CCSAP: variants seen among roughly 807,000 people sequenced by gnomAD.
CCSAP encodes centriole, cilia and spindle-associated protein.
Under a neutral mutation model 25.9 loss-of-function variants are expected in CCSAP, and 17 were observed. That is an observed-to-expected ratio of 0.66 (90% CI 0.45 to 0.99). CCSAP has a LOEUF of 0.99. CCSAP is among the 50% of genes least tolerant of loss of function. CCSAP has a pLI of 0.00. For synonymous variants in CCSAP, 169 were observed against 157.1 expected (o/e 1.08, Z -0.57); for missense variants, 339 against 367.8 (o/e 0.92, Z 0.64).
At chr1:229,332,685 G>A (rs1238946473) in intron 2 of CCSAP, among the ~76,000 whole-genome samples, 1 of 152,110 alleles carries the variant, frequency 6.6e-6, no homozygotes, top group African/African-American at 2.4e-5. Flanking sequence ...CAATAGCCAT[G>A]AACCACACGT....
intron 3 of CCSAP, among the ~76,000 whole-genome samples, chr1:229,326,500 C>T (rs1391404748): frequency 1.3e-5 from 2 of 152,202 alleles, no homozygotes; most frequent in Non-Finnish European, 2.9e-5. Context: ...TGTCACTAAA[C>T]TCTTCTGGGT....
In CCSAP at chr1:229,338,336, G is replaced by T. The variant is rs914100017; in HGVS notation, c.367+3763C>A. 2.6e-5 allele frequency among the ~76,000 whole-genome samples: 4 copies of T among 152,178 alleles called. No homozygotes were observed. In the East Asian group the frequency reaches 7.7e-4, roughly 29 times the overall value. On this transcript the variant is annotated intron_variant, in intron 2 of 3. Coordinates refer to ENST00000284617, the MANE Select transcript of CCSAP (RefSeq NM_145257.5). ...GCAAGGGGCATGGGTGGGAAATGGG[G>T]CAGGATCATGTTTTTTTCATTTTAA...
chr1:229,338,732 GAA>G (rs1298556113), intron 2 of CCSAP, among the ~76,000 whole-genome samples: 51 of 152,200 alleles, frequency 3.4e-4, no homozygotes, highest in African/African-American at 1.2e-3. Flanking sequence ...AAGAAACACA[GAA>G]AGAGAAGAAA....
chr1:229,341,193 C>CAAAAAA lies in CCSAP; in HGVS notation c.367+900_367+905dup, dbSNP rs71561730. On this transcript the variant is annotated intron_variant, in intron 2 of 3. Transcript: ENST00000284617. ...TGGGCCACAGAGCGAGACTCCGTCT[C>CAAAAAA]AAAAAAAAAAAAAAAAAAAGATTAC... Among the ~76,000 whole-genome samples the CAAAAAA allele has an allele frequency of 2.1e-3, 188 of 91,088 alleles. 8 individuals are homozygous for CAAAAAA. Among genetic ancestry groups the CAAAAAA allele is most frequent in the African/African-American group, 2.7e-3 (57 of 20,788 alleles). 59.8% of individuals were successfully genotyped at this position (91,088 alleles called of 152,430 possible). A position where few individuals can be genotyped will look rare whatever the true frequency, so the allele number is the denominator to read the frequency against.
At chr1:229,340,885 C>T (rs1658314501) in intron 2 of CCSAP, among the ~76,000 whole-genome samples, 1 of 152,088 alleles carries the variant, frequency 6.6e-6, no homozygotes. Flanking sequence ...CCTGAGCTTC[C>T]GTTTTTTCAT....
chr1:229,340,705 C>T, intron 2 of CCSAP: 1 of 361,662 alleles, frequency 2.8e-6, no homozygotes, highest in Non-Finnish European at 4.9e-6. Flanking sequence ...GCCCTGCCTC[C>T]GATGATGAGC....
intron 2 of CCSAP, 138 bp from the exon 3 acceptor site, chr1:229,327,144 G>A (rs926010328): frequency 3.0e-6 from 2 of 671,494 alleles, no homozygotes; most frequent in Non-Finnish European, 4.7e-6. Context: ...TCCACTTAAA[G>A]TAGAAATACA....
At chr1:229,329,987 A>G (rs536166663) in intron 2 of CCSAP, among the ~76,000 whole-genome samples, 5 of 152,114 alleles carry the variant, frequency 3.3e-5, no homozygotes, top group Non-Finnish European at 5.9e-5. Context: ...GCAAAACTCC[A>G]TCTCAAAAAA....
chr1:229,331,157 A>T (rs1658058807), intron 2 of CCSAP, among the ~76,000 whole-genome samples: 1 of 152,230 alleles, frequency 6.6e-6, no homozygotes, highest in Non-Finnish European at 1.5e-5. Context: ...GGAAACCCTT[A>T]GACCTCAAAT....
At chr1:229,341,649 A>T (rs946538504) in intron 2 of CCSAP, among the ~76,000 whole-genome samples, 6 of 152,206 alleles carry the variant, frequency 3.9e-5, no homozygotes, top group Admixed American at 3.3e-4. Context: ...TACGGAAAAC[A>T]ATGGCCCCAT....
intron 2 of CCSAP, among the ~76,000 whole-genome samples, chr1:229,329,189 T>C (rs894957729): frequency 4.6e-5 from 7 of 152,244 alleles, no homozygotes; most frequent in African/African-American, 1.7e-4. Context: ...CCAAGTCATC[T>C]TCACTGATTC....
intron 2 of CCSAP, among the ~76,000 whole-genome samples, chr1:229,338,006 A>G (rs1658242981): frequency 6.6e-6 from 1 of 152,142 alleles, no homozygotes; most frequent in Admixed American, 6.6e-5. Context: ...TTAACAAAAA[A>G]ATGTAATCAG....
Position 229,342,036 on chromosome 1 carries a change from T to C in CCSAP, c.367+63A>G. 7.8e-7 allele frequency: 1 copy of C among 1,277,126 alleles called. No individual in the cohort carries two copies. The highest frequency in any genetic ancestry group is 3.4e-5 in the South Asian group (1 of 29,034). The allele number at this position is 1,277,126 out of a possible 1,614,324, so 79.1% of individuals were successfully genotyped here. On this transcript the variant is annotated intron_variant, in intron 2 of 3. Coordinates refer to ENST00000284617, the MANE Select transcript of CCSAP (RefSeq NM_145257.5). The surrounding 1 kb of genome is among the most constrained non-coding windows in gnomAD (Gnocchi z 7.5). ...GCGCAAGAAATAAGAGATCAGCTGC[T>C]CAGAGCTTAGAGCAAACCGTCCCTG...
At chr1:229,337,868 A>C (rs1658235703) in intron 2 of CCSAP, among the ~76,000 whole-genome samples, 1 of 151,148 alleles carries the variant, frequency 6.6e-6, no homozygotes, top group African/African-American at 2.4e-5. Context: ...GAAATAAGAA[A>C]CTGTGATAGG....
chr1:229,327,364 TC>T (rs1657964000), intron 2 of CCSAP: 4 of 362,194 alleles, frequency 1.1e-5, no homozygotes, highest in Non-Finnish European at 2.2e-5. Flanking sequence ...AATTTTGCTT[TC>T]CTTCACGGAA....
chr1:229,328,174 A>G (rs528904150), intron 2 of CCSAP, among the ~76,000 whole-genome samples: 23 of 152,262 alleles, frequency 1.5e-4, no homozygotes, highest in African/African-American at 4.8e-4. Context: ...GCTTCCACCT[A>G]TGGTTCTGCT....
chr1:229,331,251 A>G (rs538239046), intron 2 of CCSAP, among the ~76,000 whole-genome samples: 49 of 152,048 alleles, frequency 3.2e-4, no homozygotes, highest in Non-Finnish European at 8.8e-5. Flanking sequence ...AACAAGGGGG[A>G]CCGGGAGAAG....
At chr1:229,337,878 G>A (rs2890312) in intron 2 of CCSAP, among the ~76,000 whole-genome samples, 27,062 of 150,738 alleles carry the variant, frequency 0.18, 3,079 homozygotes, top group East Asian at 0.44. Context: ...ACTGTGATAG[G>A]CAGTGATAGG....
rs374001782 is a variant in CCSAP at position 229,335,574 on chromosome 1, G to C, written c.367+6525C>G. Among the ~76,000 whole-genome samples, 9 of 152,306 alleles carry C rather than the reference G, an allele frequency of 5.9e-5. No homozygotes were observed. In the East Asian group the frequency reaches 1.7e-3, roughly 29 times the overall value. ...ATAACTTCCCCAGTGAAGGTAAAAT[G>C]GGGTGAGAAAGGGCCTGCAGAGCTC... On this transcript the variant is annotated intron_variant, in intron 2 of 3. Transcript: ENST00000284617.
Sources: gnomAD v4.1 joint callset for allele counts (sites outside exome capture counted in the v4.1 genomes callset) on GRCh38, gnomAD v4.1.1 for gene constraint, Gnocchi (gnomAD v3.1) non-coding constraint, MANE v1.5 for transcripts, NCBI Gene and HGNC (gene_info 2026-07-23, HGNC 2026-07-21) for gene names.